ZNF175: variants seen among roughly 807,000 people sequenced by gnomAD.
The protein encoded by ZNF175 is zinc finger protein 175.
A neutral mutation model predicts 14.0 loss-of-function variants in ZNF175; 8 were observed. The observed-to-expected ratio is 0.57, with a 90% CI of 0.34 to 1.03. The LOEUF is 1.03. Ranked by LOEUF, ZNF175 falls within the 50% of genes least tolerant of loss-of-function variation. ZNF175 has a pLI of 0.03. For missense variants in ZNF175, 764 were observed against 849.5 expected (o/e 0.90, Z 1.25); for synonymous variants, 255 against 296.8 (o/e 0.86, Z 1.45).
chr19:51,577,817 C>G (rs1254683884), intron 2 of ZNF175, among the ~76,000 whole-genome samples: 2 of 151,892 alleles, frequency 1.3e-5, no homozygotes, highest in African/African-American at 2.4e-5. Flanking sequence ...GCGCCCGCCA[C>G]CACACCAAGC....
intron 2 of ZNF175, among the ~76,000 whole-genome samples, chr19:51,575,682 C>T (rs904977067): frequency 3.3e-5 from 5 of 152,282 alleles, no homozygotes; most frequent in African/African-American, 1.2e-4. Flanking sequence ...CAGGCAATCA[C>T]ATTTTACATT....
chr19:51,582,519 G>A lies in ZNF175; in HGVS notation c.295+637G>A, dbSNP rs186813941. 1.4e-4 allele frequency among the ~76,000 whole-genome samples: 22 copies of A among 152,232 alleles called. 1 individual carries two copies. Among genetic ancestry groups the A allele is most frequent in the South Asian group, 6.2e-4 (3 of 4,830 alleles). ...TCACCCTGTTAGCCAGGATGGTCTC[G>A]ATCTCCTGACCTTGTGATCTGCCCA... On this transcript the variant is annotated intron_variant, in intron 4 of 4. Transcript: ENST00000262259.
At chr19:51,585,102 A>G (rs891398844) in intron 4 of ZNF175, among the ~76,000 whole-genome samples, 3 of 152,252 alleles carry the variant, frequency 2.0e-5, no homozygotes, top group African/African-American at 7.2e-5. Flanking sequence ...ATTGGTAAAC[A>G]AAATGTGGTC....
chr19:51,585,969 G>A (rs532448891), intron 4 of ZNF175, among the ~76,000 whole-genome samples: 1 of 152,256 alleles, frequency 6.6e-6, no homozygotes, highest in East Asian at 1.9e-4. Context: ...GGAGAGTTGA[G>A]GCATAGGAGA....
At chr19:51,577,465 G>A (rs971540675) in intron 2 of ZNF175, among the ~76,000 whole-genome samples, 1 of 114,554 alleles carries the variant, frequency 8.7e-6, no homozygotes, top group African/African-American at 3.5e-5. Flanking sequence ...AATCATTACT[G>A]CCTTAAAAAA....
chr19:51,586,820 C>T lies in ZNF175; in HGVS notation c.489C>T (p.Asn163=). The T allele has an allele frequency of 1.2e-6, 2 of 1,614,014 alleles. No homozygotes were observed. Among genetic ancestry groups the T allele is most frequent in the East Asian group, 2.2e-5 (1 of 44,884 alleles). The change falls in exon 5 of 5, where the codon AAC becomes AAT. Residue 163 remains asparagine (N), a synonymous_variant. Transcript: ENST00000262259. Reference sequence around the variant, plus strand: ...CCATGAGTCACAGTGCTTTCTTCAACAAGAAAACATTGAACACAGAAAGCA... The same window carrying T: ...CCATGAGTCACAGTGCTTTCTTCAATAAGAAAACATTGAACACAGAAAGCA... The part of the protein sequence containing the change: ...IQPMSHSAFF[N]KKTLNTESNC...
rs549917896 is a variant in ZNF175 at position 51,590,167 on chromosome 19, A to G, written c.*1700A>G. The stretch of plus-strand genomic sequence containing the variant: ...ATACTTCCGAGAAGCAGACCAGCAT[A>G]ATCTTTTAAGTGCACAGGCCCAGGA... On this transcript the variant is annotated 3_prime_UTR_variant, in exon 5 of 5. Coordinates refer to ENST00000262259, the MANE Select transcript of ZNF175 (RefSeq NM_007147.4). 24 of 152,704 alleles carry G rather than the reference A, an allele frequency of 1.6e-4. No individual in the cohort carries two copies. The highest frequency in any genetic ancestry group is 5.8e-4 in the African/African-American group (24 of 41,548). 9.5% of individuals were successfully genotyped at this position (152,704 alleles called of 1,614,324 possible).
rs186255632 is a variant in ZNF175, at chr19:51,583,857, T to A, written c.295+1975T>A. Among the ~76,000 whole-genome samples, 10 of 152,346 alleles carry A rather than the reference T, an allele frequency of 6.6e-5. No homozygotes were observed. The East Asian group carries it at 1.9e-3, about 29-fold the overall frequency. On this transcript the variant is annotated intron_variant, in intron 4 of 4. Coordinates refer to ENST00000262259, the MANE Select transcript of ZNF175 (RefSeq NM_007147.4). ...TGTCTACTCCATAGAATGATTCACTTTGCATACACTCTGCTGATTACTTTG... is the reference window on the plus strand; with the variant it reads ...TGTCTACTCCATAGAATGATTCACTATGCATACACTCTGCTGATTACTTTG...
At chr19:51,582,914 G>A (rs1407229547) in intron 4 of ZNF175, among the ~76,000 whole-genome samples, 1 of 151,878 alleles carries the variant, frequency 6.6e-6, no homozygotes, top group Non-Finnish European at 1.5e-5. Context: ...GGAGTGCAAT[G>A]GCACGATCTT....
At chr19:51,581,996 A>G (rs1982022724) in intron 4 of ZNF175, 114 bp downstream of exon 4, 1 of 924,224 alleles carries the variant, frequency 1.1e-6, no homozygotes. Flanking sequence ...ATTGCCTCCT[A>G]CTCCCAGTTT....
In ZNF175 at chr19:51,589,832, C is replaced by G; in HGVS notation, c.*1365C>G. The G allele has an allele frequency of 1.8e-6, 1 of 548,834 alleles. No individual in the cohort carries two copies. The highest frequency in any genetic ancestry group is 3.2e-6 in the Non-Finnish European group (1 of 311,134). The allele number at this position is 548,834 out of a possible 1,614,324, so 34.0% of individuals were successfully genotyped here. A position where few individuals can be genotyped will look rare whatever the true frequency, so the allele number is the denominator to read the frequency against. On this transcript the variant is annotated 3_prime_UTR_variant, in exon 5 of 5. Transcript: ENST00000262259. Reference sequence around the variant, plus strand: ...CCCCCAAGCTGGAAACTGAAAATATCTACTCTCTGGCTCTTTACAGAAAAT... The same window carrying G: ...CCCCCAAGCTGGAAACTGAAAATATGTACTCTCTGGCTCTTTACAGAAAAT...
intron 2 of ZNF175, among the ~76,000 whole-genome samples, chr19:51,579,251 C>CAAAAA (rs34198978): frequency 1.7e-5 from 1 of 58,100 alleles, no homozygotes; most frequent in Non-Finnish European, 3.0e-5. Flanking sequence ...GACTCCATCT[C>CAAAAA]AAAAAAAAAA....
At position 51,573,306 on chromosome 19, in the gene ZNF175, C is replaced by CG; in HGVS notation, c.-23dup. 1 of 1,611,700 alleles carries CG rather than the reference C, an allele frequency of 6.2e-7. No individual in the cohort carries two copies. The highest frequency in any genetic ancestry group is 1.1e-5 in the South Asian group (1 of 90,824). On this transcript the variant is annotated 5_prime_UTR_variant, in exon 2 of 5. Transcript: ENST00000262259. Reference sequence around the variant, plus strand: ...AAGTGGAGTTGTCAGCAAGAGAGACCGAGAGTAGAAGCCCAGAGTGGAGAT... The same window carrying CG: ...AAGTGGAGTTGTCAGCAAGAGAGACCGGAGAGTAGAAGCCCAGAGTGGAGAT...
chr19:51,588,914 C>T lies in ZNF175; in HGVS notation c.*447C>T, dbSNP rs187167405. On this transcript the variant is annotated 3_prime_UTR_variant, in exon 5 of 5. Coordinates refer to ENST00000262259, the MANE Select transcript of ZNF175 (RefSeq NM_007147.4). ...GGACAATATTTTATGTGTGTGTGTGCGCCTTATGTATATAAGCATATATAT... is the reference window on the plus strand; with the variant it reads ...GGACAATATTTTATGTGTGTGTGTGTGCCTTATGTATATAAGCATATATAT... 2.8e-3 allele frequency: 1,086 copies of T among 392,686 alleles called. 1 individual carries two copies. The highest frequency in any genetic ancestry group is 3.9e-3 in the Non-Finnish European group (863 of 223,274). The allele number at this position is 392,686 out of a possible 1,614,324, so 24.3% of individuals were successfully genotyped here. A position where few individuals can be genotyped will look rare whatever the true frequency, so the allele number is the denominator to read the frequency against.
chr19:51,589,977 G>T lies in ZNF175; in HGVS notation c.*1510G>T. On this transcript the variant is annotated 3_prime_UTR_variant, in exon 5 of 5. Transcript: ENST00000262259. ...TTTATAAAACTCAGATCTCTTACGT[G>T]TGTGGATGGTATTTTTTTCATTCTA... is the stretch of plus-strand genomic sequence containing the variant. The T allele has an allele frequency of 4.9e-6, 1 of 203,508 alleles. No individual in the cohort carries two copies. The highest frequency in any genetic ancestry group is 1.1e-4 in the East Asian group (1 of 8,984). 12.6% of individuals were successfully genotyped at this position (203,508 alleles called of 1,614,324 possible). A position where few individuals can be genotyped will look rare whatever the true frequency, so the allele number is the denominator to read the frequency against.
At position 51,576,306 on chromosome 19, in the gene ZNF175, C is replaced by T. The variant is rs74374285; in HGVS notation, c.72+2905C>T. On this transcript the variant is annotated intron_variant, in intron 2 of 4. Coordinates refer to ENST00000262259, the MANE Select transcript of ZNF175 (RefSeq NM_007147.4). The stretch of plus-strand genomic sequence containing the variant: ...CTGGGATTACAGGCACTTGCCACCA[C>T]GCCTGGCTAATTTTTATATTTTTAG... Among the ~76,000 whole-genome samples, 401 of 152,132 alleles carry T rather than the reference C, an allele frequency of 2.6e-3. 16 individuals carry two copies. In the East Asian group the frequency reaches 0.046, roughly 17 times the overall value.
rs779226601 is a variant in ZNF175 at position 51,587,031 on chromosome 19, A to G, written c.700A>G (p.Ser234Gly). Residue 234 changes from serine to glycine, a missense_variant, in exon 5 of 5, where the codon AGC (serine) becomes GGC (glycine). Transcript: ENST00000262259. ...CGTTGTTGGGTCTGGTCAGCTATTC[A>G]GCCATAGCTCTTCTGATGCCTGCAG... ...DDVVGSGQLF[S>G]HSSSDACSKN... 9 of 1,614,112 alleles carry G rather than the reference A, an allele frequency of 5.6e-6. No individual in the cohort carries two copies. The highest frequency in any genetic ancestry group is 8.5e-7 in the Non-Finnish European group (1 of 1,180,030).
Position 51,587,695 on chromosome 19 carries a change from C to A in ZNF175, c.1364C>A (p.Ala455Asp). 1.9e-6 allele frequency: 3 copies of A among 1,614,108 alleles called. No homozygotes were observed. In the East Asian group the frequency reaches 6.7e-5, roughly 36 times the overall value. The change falls in exon 5 of 5, where the codon GCC becomes GAC. Residue 455 changes from alanine to aspartate, a missense_variant. Transcript: ENST00000262259. Reference protein sequence around the residue: ...KSYVCIECGQAFIQKAHLIVH... With the variant: ...KSYVCIECGQDFIQKAHLIVH... ...TATGTGTGTATCGAATGCGGGCAGGCCTTCATCCAGAAGGCACACCTGATT... is the reference window on the plus strand; with the variant it reads ...TATGTGTGTATCGAATGCGGGCAGGACTTCATCCAGAAGGCACACCTGATT...
chr19:51,589,680 G>A lies in ZNF175; in HGVS notation c.*1213G>A, dbSNP rs1465599982. 1.1e-5 allele frequency: 7 copies of A among 664,590 alleles called. No homozygotes were observed. The highest frequency in any genetic ancestry group is 1.9e-5 in the Non-Finnish European group (7 of 369,326). The allele number at this position is 664,590 out of a possible 1,614,324, so 41.2% of individuals were successfully genotyped here. A position where few individuals can be genotyped will look rare whatever the true frequency, so the allele number is the denominator to read the frequency against. ...AAACTGTGGCCATTGGCCAAATATG[G>A]CCTCCCAACTGTTTTTTTAAAATAA... On this transcript the variant is annotated 3_prime_UTR_variant, in exon 5 of 5. Coordinates refer to ENST00000262259, the MANE Select transcript of ZNF175 (RefSeq NM_007147.4).
Sources: gnomAD v4.1 joint callset for allele counts (sites outside exome capture counted in the v4.1 genomes callset) on GRCh38, gnomAD v4.1.1 for gene constraint, MANE v1.5 for transcripts, NCBI Gene and HGNC (gene_info 2026-07-23, HGNC 2026-07-21) for gene names.